Variants in BAIAP3 observed in about 807,000 individuals in gnomAD.
BAIAP3 encodes the protein BAI1 associated protein 3.
Under a neutral mutation model 149.7 loss-of-function variants are expected in BAIAP3, and 180 were observed. The observed-to-expected ratio is 1.20, with a 90% CI of 1.07 to 1.36. The LOEUF (loss-of-function observed/expected upper bound fraction) is 1.36, where lower values mean the gene tolerates loss of function less well. BAIAP3 is among the 40% of genes most tolerant of loss of function. BAIAP3 has a pLI of 0.00. For synonymous variants in BAIAP3, 845 were observed against 670.7 expected, an observed-to-expected ratio of 1.26 and a Z score of -4.02; for missense variants, 1,767 against 1,563.4, an observed-to-expected ratio of 1.13 and a Z score of -2.20.
intron 14 of BAIAP3, 121 bp from the exon 15 acceptor site, chr16:1,343,272 A>G: frequency 7.1e-7 from 1 of 1,416,232 alleles, no homozygotes; most frequent in Non-Finnish European, 9.5e-7. Flanking sequence ...GGGCAGTGCT[A>G]TGAGTAGGCG....
intron 1 of BAIAP3, chr16:1,334,444 G>A (rs1411990561): frequency 1.7e-6 from 1 of 574,682 alleles, no homozygotes; most frequent in Non-Finnish European, 3.1e-6. Context: ...CGGGAAAGGG[G>A]GTGCCGCGAG....
chr16:1,347,731 C>T lies in BAIAP3; in HGVS notation c.2935C>T (p.Leu979=). The T allele has an allele frequency of 1.9e-6, 3 of 1,610,158 alleles. No homozygotes were observed. The highest frequency in any genetic ancestry group is 2.5e-6 in the Non-Finnish European group (3 of 1,177,828). ...RTLEQNRFGR[L]SVRCHYEAAE... ...CCTGGAGCAGAACCGGTTTGGACGCCTGAGCGTCCGTTGCCATTACGAGGC... is the reference window on the plus strand; with the variant it reads ...CCTGGAGCAGAACCGGTTTGGACGCTTGAGCGTCCGTTGCCATTACGAGGC... Residue 979 remains leucine (L), a synonymous_variant, in exon 31 of 34, where the codon CTG becomes TTG. Coordinates refer to ENST00000426824, the MANE Select transcript of BAIAP3 (RefSeq NM_001199097.2).
chr16:1,334,823 G>A, intron 1 of BAIAP3: 1 of 1,423,878 alleles, frequency 7.0e-7, no homozygotes, highest in Non-Finnish European at 9.7e-7. Flanking sequence ...GGGGGGCTGA[G>A]GGAGGAAGAG....
At chr16:1,338,500 G>C in intron 1 of BAIAP3, 40 bp from the exon 2 acceptor site, 1 of 1,561,096 alleles carries the variant, frequency 6.4e-7, no homozygotes, top group South Asian at 1.2e-5. Context: ...GGAGGGTTGA[G>C]TGGACGACCT....
At chr16:1,342,864 G>A (rs770324355) in intron 13 of BAIAP3, 49 bp from the exon 14 acceptor site, 4 of 1,612,116 alleles carry the variant, frequency 2.5e-6, no homozygotes, top group Middle Eastern at 1.7e-4. Flanking sequence ...GCCTGAGGAG[G>A]GGATGTGGGG....
chr16:1,342,181 G>A lies in BAIAP3; in HGVS notation c.855G>A (p.Arg285=), dbSNP rs759778890. The change falls in exon 11 of 34, where the codon AGG becomes AGA. Residue 285 remains arginine, a splice_region_variant and synonymous_variant. Transcript: ENST00000426824. ...GATGCTCACCACCTGTGGTGGCCAG[G>A]TACTTCAAACAGATCGTCAAGTCAG... The part of the protein sequence containing the change: ...NEVIGLKGMG[R]YFKQIVKSAR... The A allele has an allele frequency of 1.8e-5, 28 of 1,598,504 alleles. No individual in the cohort carries two copies. The highest frequency in any genetic ancestry group is 2.3e-5 in the Non-Finnish European group (27 of 1,169,828).
chr16:1,342,672 C>G (rs1204838038), intron 12 of BAIAP3, 38 bp downstream of exon 12: 2 of 1,610,412 alleles, frequency 1.2e-6, no homozygotes, highest in South Asian at 2.2e-5. Context: ...CACCCCCGTC[C>G]TTGGGGCGGG....
At chr16:1,337,466 G>A (rs761921640) in intron 1 of BAIAP3, among the ~76,000 whole-genome samples, 18 of 152,360 alleles carry the variant, frequency 1.2e-4, no homozygotes, top group African/African-American at 2.9e-4. Context: ...TGCGGTGAGC[G>A]GAGACTGCGC....
intron 14 of BAIAP3, 83 bp downstream of exon 14, chr16:1,343,099 TGTC>T (rs2034040878): frequency 1.8e-6 from 2 of 1,138,252 alleles, no homozygotes; most frequent in Non-Finnish European, 1.2e-6. Flanking sequence ...GGTGAGTGGA[TGTC>T]GTGGCTGGGA....
chr16:1,334,003 C>T (rs557837309), intron 1 of BAIAP3, among the ~76,000 whole-genome samples: 63 of 151,724 alleles, frequency 4.2e-4, no homozygotes, highest in African/African-American at 1.3e-3. Context: ...GAGGGTGCGG[C>T]GGTGGGGTCC....
rs746844981 is a variant in BAIAP3, at chr16:1,346,162, T to A, written c.2302-8T>A. 5.6e-6 allele frequency: 9 copies of A among 1,609,882 alleles called. 1 individual carries two copies. The highest frequency in any genetic ancestry group is 4.0e-5 in the African/African-American group (3 of 74,874). ...GGACCCATCGTTGCCTGGCCACACC[T>A]CCTCCAGCTCTGCGTGGTCCTCAAC... On this transcript the variant is annotated splice_region_variant and splice_polypyrimidine_tract_variant and intron_variant, in intron 24 of 33. Coordinates refer to ENST00000426824, the MANE Select transcript of BAIAP3 (RefSeq NM_001199097.2).
intron 1 of BAIAP3, among the ~76,000 whole-genome samples, chr16:1,337,040 T>G: frequency 6.6e-6 from 1 of 151,922 alleles, no homozygotes; most frequent in Non-Finnish European, 1.5e-5. Flanking sequence ...TCTGGGACAG[T>G]TTCCATGGAG....
chr16:1,337,528 T>C (rs1487520808), intron 1 of BAIAP3, among the ~76,000 whole-genome samples: 1 of 152,148 alleles, frequency 6.6e-6, no homozygotes, highest in Non-Finnish European at 1.5e-5. Flanking sequence ...GCTGAGATCA[T>C]GCCACTGCTC....
At chr16:1,345,449 C>A in intron 22 of BAIAP3, 77 bp downstream of exon 22, 2 of 1,446,990 alleles carry the variant, frequency 1.4e-6, no homozygotes, top group Non-Finnish European at 1.8e-6. Context: ...GCAACCCCAG[C>A]CTCCCCAGCA....
At chr16:1,334,696 C>T (rs1464994228) in intron 1 of BAIAP3, 3 of 1,555,216 alleles carry the variant, frequency 1.9e-6, no homozygotes, top group African/African-American at 1.4e-5. Context: ...GCAGCGGGCC[C>T]GCCAGGTGAC....
chr16:1,342,766 C>T lies in BAIAP3; in HGVS notation c.1113C>T (p.His371=), dbSNP rs912219494. The T allele has an allele frequency of 9.9e-6, 16 of 1,612,490 alleles. No individual in the cohort carries two copies. Among genetic ancestry groups the T allele is most frequent in the Non-Finnish European group, 1.1e-5 (13 of 1,180,016 alleles). Residue 371 remains histidine (H), a synonymous_variant, in exon 13 of 34, where the codon CAC becomes CAT. Coordinates refer to ENST00000426824, the MANE Select transcript of BAIAP3 (RefSeq NM_001199097.2). ...SQRGRSGFLS[H]LLLLSHLLRL... ...GCGGGCGATCCGGCTTCCTGTCCCA[C>T]CTGCTGCTGCTCAGCCATCTGCTGC...
At chr16:1,343,156 G>A (rs542869173) in intron 14 of BAIAP3, 140 bp downstream of exon 14, 5 of 1,118,892 alleles carry the variant, frequency 4.5e-6, no homozygotes, top group South Asian at 1.5e-5. Context: ...GTGGGGCTGC[G>A]CTGATTGGGC....
In BAIAP3 at chr16:1,348,368, G is replaced by A. The variant is rs750588886; in HGVS notation, c.3356-11G>A. On this transcript the variant is annotated splice_polypyrimidine_tract_variant and intron_variant, in intron 33 of 33. Transcript: ENST00000426824. ...CCCCGGCCCCCACACACCTGCCCGC[G>A]CTGCTTGCAGTGAGATCTGCGCTGA... The A allele has an allele frequency of 2.3e-5, 37 of 1,611,340 alleles. No individual in the cohort carries two copies. The highest frequency in any genetic ancestry group is 3.3e-5 in the Admixed American group (2 of 59,850).
intron 23 of BAIAP3, 44 bp from the exon 24 acceptor site, chr16:1,345,942 G>A (rs1392405135): frequency 6.3e-7 from 1 of 1,585,810 alleles, no homozygotes; most frequent in East Asian, 2.3e-5. Flanking sequence ...AGGAGATGGG[G>A]CAGGGGAGGG....
Sources: allele counts gnomAD v4.1 joint callset (sites outside exome capture counted in the v4.1 genomes callset), GRCh38; gene constraint gnomAD v4.1.1; transcripts MANE v1.5; gene names NCBI Gene and HGNC (gene_info 2026-07-23, HGNC 2026-07-21).